Variants in USP12 observed in about 807,000 individuals in gnomAD.
USP12 encodes ubiquitin specific peptidase 12.
USP12 carries 19 observed loss-of-function variants against 45.5 expected under a neutral mutation model. The ratio of observed to expected loss-of-function variants is 0.42; its 90% CI spans 0.29 to 0.61. The LOEUF is 0.61. Ranked by LOEUF, USP12 falls within the 20% of genes least tolerant of loss-of-function variation. The pLI is 0.22. For synonymous variants in USP12, 149 were observed against 148.8 expected (o/e 1.00, Z -0.01); for missense variants, 242 against 447.7 (o/e 0.54, Z 4.15).
At chr13:27,106,990 G>A (rs1875171375) in intron 2 of USP12, among the ~76,000 whole-genome samples, 1 of 152,090 alleles carries the variant, frequency 6.6e-6, no homozygotes, top group Non-Finnish European at 1.5e-5. Context: ...TGCCTAATGA[G>A]ATATAGTCTA....
intron 1 of USP12, among the ~76,000 whole-genome samples, chr13:27,159,226 C>T (rs1056915795): frequency 6.6e-6 from 1 of 151,964 alleles, no homozygotes; most frequent in African/African-American, 2.4e-5. Context: ...ACAGTTAAAC[C>T]TGAATAATTT....
At position 27,069,337 on chromosome 13, in the gene USP12, A is replaced by G; in HGVS notation, c.1059T>C (p.Asp353=). 6.2e-7 allele frequency: 1 copy of G among 1,612,824 alleles called. No individual in the cohort carries two copies. Among genetic ancestry groups the G allele is most frequent in the Non-Finnish European group, 8.5e-7 (1 of 1,179,852 alleles). The change falls in exon 9 of 9, where the codon GAT becomes GAC. Residue 353 remains aspartate, a synonymous_variant. Transcript: ENST00000282344. The part of the protein sequence containing the change: ...AIEEFYGLTS[D]ISKNSESGYI... ...AACCAGACTCAGAGTTCTTTGAGAT[A>G]TCTGATGTCAACCCGTAGAATTCTT... is the stretch of plus-strand genomic sequence containing the variant.
chr13:27,134,533 T>TC (rs1347943651), intron 1 of USP12, among the ~76,000 whole-genome samples: 8 of 152,138 alleles, frequency 5.3e-5, no homozygotes, highest in African/African-American at 1.9e-4. Flanking sequence ...TCTAATCAGG[T>TC]CCCCTAAAGT....
chr13:27,110,500 G>C (rs760915196), intron 2 of USP12, among the ~76,000 whole-genome samples: 1 of 152,252 alleles, frequency 6.6e-6, no homozygotes, highest in South Asian at 2.1e-4. Context: ...ACTTTTTGAA[G>C]AGGCTTGTGA....
intron 4 of USP12, 89 bp from the exon 5 acceptor site, chr13:27,090,247 A>G: frequency 2.0e-6 from 2 of 1,023,448 alleles, no homozygotes; most frequent in South Asian, 3.6e-5. Context: ...TTCTATTATT[A>G]TCAGTAAGTA....
intron 1 of USP12, chr13:27,163,067 TTTG>T (rs981077964): frequency 2.0e-5 from 3 of 152,222 alleles, no homozygotes; most frequent in Non-Finnish European, 4.4e-5. Context: ...TCCATCTTGT[TTTG>T]TTGTCATTTT....
chr13:27,089,413 T>A (rs1351011647), intron 6 of USP12: 1 of 153,430 alleles, frequency 6.5e-6, no homozygotes, highest in African/African-American at 2.4e-5. Flanking sequence ...TGAGACTGTT[T>A]CAAAATAAGA....
chr13:27,097,755 T>C (rs964504461), intron 3 of USP12, among the ~76,000 whole-genome samples: 7 of 152,190 alleles, frequency 4.6e-5, no homozygotes, highest in Non-Finnish European at 1.0e-4. Context: ...ATAGGTTTTG[T>C]ATTCTGTTCA....
At chr13:27,149,589 T>C (rs1338577044) in intron 1 of USP12, among the ~76,000 whole-genome samples, 1 of 151,836 alleles carries the variant, frequency 6.6e-6, no homozygotes, top group African/African-American at 2.4e-5. Flanking sequence ...AACTATGGAG[T>C]AGAATAGTGG....
intron 1 of USP12, among the ~76,000 whole-genome samples, chr13:27,125,438 T>C (rs1876181016): frequency 6.6e-6 from 1 of 152,086 alleles, no homozygotes; most frequent in Admixed American, 6.5e-5. Context: ...CAACACTGAG[T>C]GCTGGAGAAC....
intron 4 of USP12, among the ~76,000 whole-genome samples, chr13:27,094,930 T>C (rs1283410553): frequency 6.6e-6 from 1 of 152,104 alleles, no homozygotes; most frequent in Admixed American, 6.6e-5. Flanking sequence ...GAAAGACTGC[T>C]TGAGCCCAGG....
At chr13:27,157,419 C>T (rs972442013) in intron 1 of USP12, among the ~76,000 whole-genome samples, 3 of 152,128 alleles carry the variant, frequency 2.0e-5, no homozygotes, top group African/African-American at 7.2e-5. Flanking sequence ...GGTATGATCT[C>T]TCCCACTTTC....
chr13:27,085,090 C>T (rs1873948740), intron 6 of USP12, among the ~76,000 whole-genome samples: 1 of 151,934 alleles, frequency 6.6e-6, no homozygotes, highest in African/African-American at 2.4e-5. Flanking sequence ...ATATACAAGT[C>T]TTCTGCCATG....
At chr13:27,077,988 T>C (rs1249573954) in intron 6 of USP12, 3 of 151,888 alleles carry the variant, frequency 2.0e-5, no homozygotes, top group African/African-American at 4.8e-5. Flanking sequence ...ACAGAGAACA[T>C]TTTTTTCCTT....
chr13:27,113,032 A>T (rs1407615162), intron 2 of USP12, among the ~76,000 whole-genome samples: 1 of 152,172 alleles, frequency 6.6e-6, no homozygotes, highest in East Asian at 1.9e-4. Flanking sequence ...CCAGGGATTC[A>T]ACACCAGCAT....
chr13:27,124,953 G>C (rs1876157953), intron 1 of USP12, among the ~76,000 whole-genome samples: 3 of 152,152 alleles, frequency 2.0e-5, no homozygotes, highest in Admixed American at 1.3e-4. Context: ...CAAAGTAGTA[G>C]GCCTTGGGTT....
chr13:27,085,679 A>G (rs1165206944), intron 6 of USP12, among the ~76,000 whole-genome samples: 1 of 151,980 alleles, frequency 6.6e-6, no homozygotes, highest in Admixed American at 6.6e-5. Flanking sequence ...GAAATATGTA[A>G]CTTCTGTAAA....
chr13:27,132,169 A>G (rs1156635472), intron 1 of USP12, among the ~76,000 whole-genome samples: 1 of 152,132 alleles, frequency 6.6e-6, no homozygotes, highest in Non-Finnish European at 1.5e-5. Context: ...ATATTCAGGG[A>G]TTATAACATT....
intron 3 of USP12, 131 bp downstream of exon 3, chr13:27,105,600 G>T: frequency 1.2e-6 from 1 of 818,562 alleles, no homozygotes; most frequent in Non-Finnish European, 1.9e-6. Context: ...GAAGAAAGGC[G>T]TGTCATCCTT....
Sources: gnomAD v4.1 joint callset for allele counts (sites outside exome capture counted in the v4.1 genomes callset) on GRCh38, gnomAD v4.1.1 for gene constraint, MANE v1.5 for transcripts, NCBI Gene and HGNC (gene_info 2026-07-23, HGNC 2026-07-21) for gene names.